The following WDR72 variants were observed in gnomAD, a reference collection of about 807,000 sequenced individuals.
WDR72 encodes the protein WD repeat domain 72.
WDR72 carries 120 observed loss-of-function variants against 124.2 expected under a neutral mutation model. That is an observed-to-expected ratio of 0.97 (90% CI 0.83 to 1.12). The LOEUF is 1.12. Among genes scored for constraint, WDR72 ranks in the 50% most tolerant of loss-of-function variants. The pLI, the probability that WDR72 is intolerant of heterozygous loss-of-function variation, is 0.00. For synonymous variants in WDR72, 452 were observed against 441.7 expected, an observed-to-expected ratio of 1.02 and a Z score of -0.29; for missense variants, 1,387 against 1,278.8, an observed-to-expected ratio of 1.08 and a Z score of -1.29.
At chr15:53,521,284 C>G (rs192797008) in intron 19 of WDR72, among the ~76,000 whole-genome samples, 1 of 152,202 alleles carries the variant, frequency 6.6e-6, no homozygotes, top group East Asian at 1.9e-4. Flanking sequence ...ATTCCTCACA[C>G]TGGCTTGGCC....
intron 15 of WDR72, 53 bp from the exon 16 acceptor site, chr15:53,613,810 G>C (rs1291837505): frequency 8.5e-6 from 11 of 1,295,814 alleles, no homozygotes; most frequent in Non-Finnish European, 1.2e-5. Flanking sequence ...AAAATTATTT[G>C]AGGAAATAAA....
intron 1 of WDR72, among the ~76,000 whole-genome samples, chr15:53,745,244 C>T (rs757170827): frequency 5.3e-5 from 8 of 152,134 alleles, no homozygotes; most frequent in Non-Finnish European, 1.2e-4. Flanking sequence ...TCATAATCAG[C>T]ACTCAGCATA....
At position 53,706,026 on chromosome 15, in the gene WDR72, GCT is replaced by G; in HGVS notation, c.1001_1002del (p.Glu334AlafsTer22). On this transcript the variant is annotated frameshift_variant, in exon 10 of 20. Transcript: ENST00000360509. LOFTEE classifies it high-confidence loss of function. ...CCAGAGAAAAGTACCTTGTAAAAAG[GCT>G]CTTTCCTTTCATTCATGTAGCCCAT... ...FVMGYMNERKEPFYKVLFSGE... is the reference protein window; with the variant it reads ...FVMGYMNERKXPFYKVLFSGE... 1.9e-6 allele frequency: 3 copies of G among 1,613,994 alleles called. No individual in the cohort carries two copies. Among genetic ancestry groups the G allele is most frequent in the Non-Finnish European group, 2.5e-6 (3 of 1,179,980 alleles).
chr15:53,547,430 C>G (rs563940763), intron 18 of WDR72, among the ~76,000 whole-genome samples: 1 of 152,268 alleles, frequency 6.6e-6, no homozygotes, highest in South Asian at 2.1e-4. Context: ...CCGTGCCTGG[C>G]CTGTTACTAT....
intron 14 of WDR72, among the ~76,000 whole-genome samples, chr15:53,653,953 G>A (rs1421805082): frequency 2.0e-5 from 3 of 151,994 alleles, no homozygotes; most frequent in Non-Finnish European, 2.9e-5. Flanking sequence ...ATATTAAAGA[G>A]GATATTTCCT....
At position 53,733,225 on chromosome 15, in the gene WDR72, A is replaced by C. The variant is rs2614222; in HGVS notation, c.-12-64T>G. ...TTTTTGAAATTTGAGGAAACCGATA[A>C]TATTACAAGCAGATTTATGATGACC... On this transcript the variant is annotated intron_variant, in intron 1 of 19. Coordinates refer to ENST00000360509, the MANE Select transcript of WDR72 (RefSeq NM_182758.4). 18,573 of 1,564,480 alleles carry C rather than the reference A, an allele frequency of 0.012. 1,800 individuals are homozygous for C. In the African/African-American group the frequency reaches 0.22, roughly 18 times the overall value.
At chr15:53,631,931 G>C (rs139376158) in intron 14 of WDR72, among the ~76,000 whole-genome samples, 2 of 152,300 alleles carry the variant, frequency 1.3e-5, no homozygotes, top group East Asian at 3.9e-4. Context: ...ATATGTAAAA[G>C]AGAAGTAGAG....
chr15:53,705,062 T>A lies in WDR72; in HGVS notation c.1274A>T (p.Asp425Val). 6.2e-7 allele frequency: 1 copy of A among 1,614,112 alleles called. No individual in the cohort carries two copies. Among genetic ancestry groups the A allele is most frequent in the African/African-American group, 1.3e-5 (1 of 75,038 alleles). Residue 425 changes from aspartate (D) to valine (V), a missense_variant, in exon 11 of 20, where the codon GAT becomes GTT. Transcript: ENST00000360509. ...SLDKLICGCE[D>V]GTIIITQALN... ...AGCCTGGGTAATGATAATTGTCCCA[T>A]CTTCACAGCCACATATTAGTTTATC...
intron 7 of WDR72, among the ~76,000 whole-genome samples, chr15:53,712,035 TAAAAC>T (rs2017554149): frequency 6.6e-6 from 1 of 152,164 alleles, no homozygotes; most frequent in South Asian, 2.1e-4. Flanking sequence ...TTGTCCCTCT[TAAAAC>T]AAATGTAGTG....
intron 3 of WDR72, 86 bp from the exon 4 acceptor site, chr15:53,716,771 C>CTGCACTTA: frequency 3.6e-4 from 148 of 409,606 alleles, no homozygotes; most frequent in Middle Eastern, 6.9e-4. Flanking sequence ...TTTTCTTTAG[C>CTGCACTTA]AGCCTGATCA....
At chr15:53,753,642 T>C (rs2018827582) in intron 1 of WDR72, among the ~76,000 whole-genome samples, 1 of 152,190 alleles carries the variant, frequency 6.6e-6, no homozygotes. Flanking sequence ...ACCACTTGAT[T>C]ATTCAAAATT....
chr15:53,630,694 T>C (rs1405900537), intron 14 of WDR72, among the ~76,000 whole-genome samples: 1 of 152,094 alleles, frequency 6.6e-6, no homozygotes, highest in African/African-American at 2.4e-5. Flanking sequence ...AAACTAGGAA[T>C]AGAAAAGAAC....
In WDR72 at chr15:53,699,923, C is replaced by A. The variant is rs755413225; in HGVS notation, c.1592G>T (p.Cys531Phe). The change falls in exon 13 of 20, where the codon TGC becomes TTC. Residue 531 changes from cysteine (C) to phenylalanine (F), a missense_variant. Physicochemically the swap from Cys to Phe is radical, Grantham distance 205. Transcript: ENST00000360509. ...KFKLRGEQII[C>F]CVCGDHSVAL... ...CACGGAATGGTCACCGCACACACAG[C>A]AAATTATCTGCTCACCCCTTAGCTG... 1 of 1,614,192 alleles carries A rather than the reference C, an allele frequency of 6.2e-7. No homozygotes were observed. The highest frequency in any genetic ancestry group is 8.5e-7 in the Non-Finnish European group (1 of 1,180,052).
At chr15:53,744,636 C>A (rs1474161581) in intron 1 of WDR72, among the ~76,000 whole-genome samples, 1 of 152,186 alleles carries the variant, frequency 6.6e-6, no homozygotes, top group Non-Finnish European at 1.5e-5. Flanking sequence ...TACATTACAG[C>A]TGGAAAAAGG....
intron 14 of WDR72, chr15:53,652,222 T>G (rs906627171): frequency 3.9e-5 from 6 of 152,036 alleles, no homozygotes; most frequent in African/African-American, 1.5e-4. Flanking sequence ...GGAAGAGCCT[T>G]GTCATGGGAA....
At chr15:53,631,889 T>G (rs1313401393) in intron 14 of WDR72, among the ~76,000 whole-genome samples, 1 of 151,856 alleles carries the variant, frequency 6.6e-6, no homozygotes, top group African/African-American at 2.4e-5. Context: ...CAAAGAGAAG[T>G]AGAGAAAAGA....
At chr15:53,578,524 G>A (rs918123127) in intron 18 of WDR72, among the ~76,000 whole-genome samples, 7 of 152,096 alleles carry the variant, frequency 4.6e-5, no homozygotes, top group African/African-American at 1.4e-4. Context: ...ATATGCAGAG[G>A]TTGAGAGCCA....
At chr15:53,714,345 C>A (rs2017643279) in intron 6 of WDR72, 89 bp downstream of exon 6, 3 of 1,043,348 alleles carry the variant, frequency 2.9e-6, no homozygotes, top group African/African-American at 3.2e-5. Context: ...GAACTTTTGA[C>A]AATAAACATG....
At chr15:53,603,094 T>C (rs1169664412) in intron 17 of WDR72, among the ~76,000 whole-genome samples, 1 of 151,732 alleles carries the variant, frequency 6.6e-6, no homozygotes, top group Non-Finnish European at 1.5e-5. Flanking sequence ...CTCAACAAAA[T>C]ACTGGCAAAC....
Sources: allele counts gnomAD v4.1 joint callset (sites outside exome capture counted in the v4.1 genomes callset), GRCh38; gene constraint gnomAD v4.1.1; transcripts MANE v1.5; gene names NCBI Gene and HGNC (gene_info 2026-07-23, HGNC 2026-07-21).